TAOK1: variants seen among roughly 807,000 people sequenced by gnomAD.
The protein encoded by TAOK1 is TAO kinase 1, also known as serine/threonine-protein kinase TAO1.
In TAOK1, 21 loss-of-function variants were observed where a neutral mutation model predicts 138.3. That is an observed-to-expected ratio of 0.15 (90% CI 0.11 to 0.22). The LOEUF is 0.22. Ranked by LOEUF, TAOK1 falls within the 10% of genes least tolerant of loss-of-function variation. TAOK1 has a pLI of 1.00. For synonymous variants in TAOK1, 361 were observed against 398.4 expected, an observed-to-expected ratio of 0.91 and a Z score of 1.12; for missense variants, 651 against 1,227.7, an observed-to-expected ratio of 0.53 and a Z score of 7.02.
At chr17:29,457,105 T>C (rs972754220) in intron 2 of TAOK1, among the ~76,000 whole-genome samples, 9 of 123,778 alleles carry the variant, frequency 7.3e-5, no homozygotes, top group African/African-American at 3.0e-4. Context: ...TTTTTTTTTT[T>C]TTTTTTGAGA....
intron 1 of TAOK1, among the ~76,000 whole-genome samples, chr17:29,431,230 C>G (rs1315687828): frequency 6.6e-6 from 1 of 152,116 alleles, no homozygotes; most frequent in Non-Finnish European, 1.5e-5. Context: ...TGCTTGCGCT[C>G]TGGAGTTTGA....
chr17:29,403,132 G>T (rs1338539218), intron 1 of TAOK1, among the ~76,000 whole-genome samples: 2 of 128,952 alleles, frequency 1.6e-5, no homozygotes, highest in African/African-American at 6.0e-5. Flanking sequence ...TTGCACTCCA[G>T]CCTGGGTGAC....
chr17:29,445,214 T>C (rs1163681347), intron 1 of TAOK1: 2 of 152,298 alleles, frequency 1.3e-5, no homozygotes, highest in African/African-American at 2.4e-5. Context: ...TAAGCACATA[T>C]GAAGAATGGG....
chr17:29,510,477 G>A (rs992611463), intron 14 of TAOK1, among the ~76,000 whole-genome samples: 28 of 152,136 alleles, frequency 1.8e-4, no homozygotes, highest in Non-Finnish European at 8.8e-5. Context: ...GATGTTTCTT[G>A]TTTTTCTGTA....
intron 1 of TAOK1, among the ~76,000 whole-genome samples, chr17:29,448,262 C>T (rs2030146467): frequency 6.6e-6 from 1 of 151,894 alleles, no homozygotes; most frequent in South Asian, 2.1e-4. Context: ...TATAATTTTT[C>T]TCTCACATGG....
chr17:29,474,721 A>G (rs2030903173), intron 3 of TAOK1, among the ~76,000 whole-genome samples: 1 of 152,200 alleles, frequency 6.6e-6, no homozygotes, highest in Non-Finnish European at 1.5e-5. Context: ...AATAATAATG[A>G]TGAAAAAGTT....
At chr17:29,393,655 G>T (rs1214844773) in intron 1 of TAOK1, among the ~76,000 whole-genome samples, 1 of 152,064 alleles carries the variant, frequency 6.6e-6, no homozygotes, top group Non-Finnish European at 1.5e-5. Context: ...CTCTTTCACT[G>T]GATTCTCTTT....
rs767350557 is a variant in TAOK1 at position 29,530,636 on chromosome 17, T to G, written c.2361+17T>G. 3.6e-5 allele frequency: 58 copies of G among 1,610,422 alleles called. No individual in the cohort carries two copies. The highest frequency in any genetic ancestry group is 4.5e-5 in the East Asian group (2 of 44,868). On this transcript the variant is annotated intron_variant, in intron 18 of 19. Transcript: ENST00000261716. ...ACACAAGCCGTGAGTTTGCTTTTTTTGGGGCAAAACAAATTTAGTGCCCCT... is the reference window on the plus strand; with the variant it reads ...ACACAAGCCGTGAGTTTGCTTTTTTGGGGGCAAAACAAATTTAGTGCCCCT...
rs567248913 is a variant in TAOK1, at chr17:29,544,963, A to C, written c.*1941A>C. 1.3e-5 allele frequency: 2 copies of C among 152,314 alleles called. No homozygotes were observed. The highest frequency in any genetic ancestry group is 3.9e-4 in the East Asian group (2 of 5,184). 9.4% of individuals were successfully genotyped at this position (152,314 alleles called of 1,614,324 possible). ...AAGTCTTTCCCAGGTATGTCAGTCG[A>C]GTTGCCATGAATCCTCACCTGTAGG... On this transcript the variant is annotated 3_prime_UTR_variant, in exon 20 of 20. Transcript: ENST00000261716.
At chr17:29,530,962 A>ATTTTTTTTTATTTTTTTTT (rs2032090808) in intron 18 of TAOK1, among the ~76,000 whole-genome samples, 1 of 96,192 alleles carries the variant, frequency 1.0e-5, no homozygotes, top group Non-Finnish European at 1.9e-5. Flanking sequence ...ACAAGTACAA[A>ATTTTTTTTTATTTTTTTTT]TTTTTTTTTT....
intron 1 of TAOK1, among the ~76,000 whole-genome samples, chr17:29,415,166 C>T (rs963291716): frequency 6.6e-6 from 1 of 152,038 alleles, no homozygotes; most frequent in Non-Finnish European, 1.5e-5. Flanking sequence ...GACGGGGTTT[C>T]GTCATGTTCC....
At chr17:29,442,649 T>A (rs1273934097) in intron 1 of TAOK1, among the ~76,000 whole-genome samples, 1 of 152,202 alleles carries the variant, frequency 6.6e-6, no homozygotes, top group African/African-American at 2.4e-5. Flanking sequence ...ATAGTATGGT[T>A]AAGAAAGTTT....
Position 29,480,437 on chromosome 17 carries a change from T to G in TAOK1, c.519T>G (p.Ala173=). The change falls in exon 7 of 20, where the codon GCT becomes GCG. Residue 173 remains alanine, a synonymous_variant. Transcript: ENST00000261716. The part of the protein sequence containing the change: ...GQVKLADFGS[A]SMASPANSFV... ...TGAAACTTGCTGACTTTGGCTCTGC[T>G]TCCATGGCATCACCTGCCAATTCCT... is the stretch of plus-strand genomic sequence containing the variant. The G allele has an allele frequency of 6.2e-7, 1 of 1,613,544 alleles. No homozygotes were observed. The highest frequency in any genetic ancestry group is 1.1e-5 in the South Asian group (1 of 90,978).
intron 17 of TAOK1, among the ~76,000 whole-genome samples, chr17:29,527,872 AC>A (rs1490586666): frequency 4.6e-5 from 7 of 152,204 alleles, no homozygotes; most frequent in Admixed American, 4.6e-4. Context: ...CTACTGATTA[AC>A]CAAACACTAA....
At chr17:29,515,985 T>C (rs2031806851) in intron 15 of TAOK1, among the ~76,000 whole-genome samples, 1 of 152,036 alleles carries the variant, frequency 6.6e-6, no homozygotes, top group South Asian at 2.1e-4. Context: ...AGACGGAGTT[T>C]TGCTCTTGTT....
intron 6 of TAOK1, among the ~76,000 whole-genome samples, chr17:29,479,844 C>T (rs1312839073): frequency 6.6e-6 from 1 of 151,894 alleles, no homozygotes. Flanking sequence ...CTACATTATC[C>T]ATATATTTCA....
At chr17:29,440,504 CTT>C (rs35053401) in intron 1 of TAOK1, among the ~76,000 whole-genome samples, 24,294 of 151,456 alleles carry the variant, frequency 0.16, 2,056 homozygotes, top group Admixed American at 0.21. Context: ...AGGAGAGGCT[CTT>C]GTCTTATCAG....
chr17:29,481,963 AAAAT>A (rs990400487), intron 7 of TAOK1, among the ~76,000 whole-genome samples: 19 of 152,268 alleles, frequency 1.2e-4, no homozygotes, highest in Middle Eastern at 6.8e-3. Context: ...CTGTCTCAAA[AAAAT>A]AAATAAATAC....
At chr17:29,404,329 A>AT (rs1205004129) in intron 1 of TAOK1, among the ~76,000 whole-genome samples, 5 of 151,902 alleles carry the variant, frequency 3.3e-5, no homozygotes, top group Non-Finnish European at 1.5e-5. Context: ...CACCCAGCGA[A>AT]TTTTTTGTAT....
Sources: allele counts gnomAD v4.1 joint callset (sites outside exome capture counted in the v4.1 genomes callset), GRCh38; gene constraint gnomAD v4.1.1; transcripts MANE v1.5; gene names NCBI Gene and HGNC (gene_info 2026-07-23, HGNC 2026-07-21).